Variants in RABEPK observed in about 807,000 individuals in gnomAD.
RABEPK encodes the protein 40 kDa Rab9 effector protein.
Under a neutral mutation model 34.1 loss-of-function variants are expected in RABEPK, and 27 were observed. That is an observed-to-expected ratio of 0.79 (90% confidence interval 0.58 to 1.09). The LOEUF is 1.09. Ranked by LOEUF, RABEPK falls within the 50% of genes least tolerant of loss-of-function variation. The pLI is 0.00. For missense variants in RABEPK, 449 were observed against 462.6 expected, an observed-to-expected ratio of 0.97 and a Z score of 0.27; for synonymous variants, 172 against 169.2, an observed-to-expected ratio of 1.02 and a Z score of -0.13.
intron 2 of RABEPK, 26 bp downstream of exon 2, chr9:125,203,092 G>A (rs369214346): frequency 6.3e-7 from 1 of 1,598,208 alleles, no homozygotes; most frequent in South Asian, 1.1e-5. Flanking sequence ...TCCAGACACA[G>A]AAAAGCATGA....
chr9:125,207,623 A>G lies in RABEPK; in HGVS notation c.113A>G (p.Tyr38Cys). Residue 38 changes from tyrosine (Y) to cysteine (C), a missense_variant, in exon 3 of 8, where the codon TAT becomes TGT. Physicochemically the swap from Tyr to Cys is radical, Grantham distance 194. Transcript: ENST00000373538. ...GCTCGAGTTGGCCACAGCTGTTCAT[A>G]TTTACCCCCAGTTGGTAATGCCAAG... is the stretch of plus-strand genomic sequence containing the variant. ...PCARVGHSCS[Y>C]LPPVGNAKRG... 1.2e-6 allele frequency: 2 copies of G among 1,614,090 alleles called. No individual in the cohort carries two copies. The highest frequency in any genetic ancestry group is 8.5e-7 in the Non-Finnish European group (1 of 1,179,992).
intron 5 of RABEPK, among the ~76,000 whole-genome samples, chr9:125,223,078 G>A (rs955640631): frequency 4.6e-5 from 7 of 152,074 alleles, no homozygotes; most frequent in Admixed American, 3.3e-4. Context: ...TCAGGAGTTC[G>A]AGACCAGCCT....
intron 2 of RABEPK, among the ~76,000 whole-genome samples, chr9:125,203,992 A>C (rs966312614): frequency 3.6e-5 from 5 of 137,804 alleles, no homozygotes; most frequent in African/African-American, 1.4e-4. Context: ...AGATCATGCC[A>C]CTGTACTCCA....
At chr9:125,204,171 A>G (rs1416242659) in intron 2 of RABEPK, among the ~76,000 whole-genome samples, 1 of 151,846 alleles carries the variant, frequency 6.6e-6, no homozygotes. Flanking sequence ...TGTCTCTACT[A>G]AAAATACAAA....
At chr9:125,221,372 C>T (rs961958405) in intron 5 of RABEPK, 1 of 151,550 alleles carries the variant, frequency 6.6e-6, no homozygotes, top group African/African-American at 2.4e-5. Context: ...CGGTGGGTGC[C>T]TGTAATCCCA....
intron 5 of RABEPK, among the ~76,000 whole-genome samples, chr9:125,227,677 T>C (rs1831858629): frequency 6.6e-6 from 1 of 151,790 alleles, no homozygotes; most frequent in Non-Finnish European, 1.5e-5. Context: ...GTGATCCACC[T>C]GTCTCGGCCT....
intron 5 of RABEPK, among the ~76,000 whole-genome samples, chr9:125,226,724 G>T (rs990175324): frequency 5.3e-5 from 8 of 151,564 alleles, no homozygotes; most frequent in East Asian, 1.9e-4. Context: ...ATTAGCTGGG[G>T]GTGGTGGCAT....
At chr9:125,203,126 T>A (rs1207954252) in intron 2 of RABEPK, 60 bp downstream of exon 2, 19 of 1,427,624 alleles carry the variant, frequency 1.3e-5, no homozygotes, top group Non-Finnish European at 1.9e-5. Flanking sequence ...TTATAAGTAG[T>A]TTATTTACAT....
intron 5 of RABEPK, among the ~76,000 whole-genome samples, chr9:125,224,223 A>T (rs149163960): frequency 6.6e-6 from 1 of 151,716 alleles, no homozygotes; most frequent in African/African-American, 2.4e-5. Context: ...CAAAAAAAAA[A>T]AACAACAGAG....
At chr9:125,201,876 T>C (rs1437679210) in intron 1 of RABEPK, among the ~76,000 whole-genome samples, 3 of 150,442 alleles carry the variant, frequency 2.0e-5, no homozygotes, top group African/African-American at 7.3e-5. Context: ...CCTCCCAAAG[T>C]GCTGGGATTA....
At chr9:125,208,148 AAGTC>A (rs1444912064) in intron 3 of RABEPK, among the ~76,000 whole-genome samples, 1 of 151,896 alleles carries the variant, frequency 6.6e-6, no homozygotes, top group Non-Finnish European at 1.5e-5. Context: ...AAAAAAGAAA[AAGTC>A]AGCATCACTG....
intron 3 of RABEPK, among the ~76,000 whole-genome samples, chr9:125,210,496 A>G (rs641513): frequency 0.48 from 72,267 of 150,256 alleles, 17,849 homozygotes; most frequent in East Asian, 0.62. Flanking sequence ...GAGGCAGGCA[A>G]ATCACAAGGT....
chr9:125,223,421 A>G (rs1218478957), intron 5 of RABEPK, among the ~76,000 whole-genome samples: 1 of 152,160 alleles, frequency 6.6e-6, no homozygotes, highest in East Asian at 1.9e-4. Context: ...ACGCCACTGC[A>G]CTCTAGCCTG....
intron 6 of RABEPK, 137 bp downstream of exon 6, chr9:125,228,196 A>C (rs1288785566): frequency 1.5e-6 from 1 of 679,616 alleles, no homozygotes; most frequent in Non-Finnish European, 2.1e-6. Context: ...CCAGGACTCA[A>C]GTAATCCTCC....
chr9:125,219,170 GT>G (rs1179715808), intron 4 of RABEPK, among the ~76,000 whole-genome samples: 2 of 57,952 alleles, frequency 3.5e-5, no homozygotes, highest in African/African-American at 9.4e-5. Context: ...TAATAGTATT[GT>G]CTTTTTTTTT....
At chr9:125,208,434 G>A (rs571049706) in intron 3 of RABEPK, among the ~76,000 whole-genome samples, 15 of 152,008 alleles carry the variant, frequency 9.9e-5, no homozygotes, top group South Asian at 2.1e-4. Context: ...GTGCAATGGC[G>A]CGATCTTCAC....
Position 125,220,699 on chromosome 9 carries a change from A to G in RABEPK, c.525A>G (p.Ala175=), listed in dbSNP as rs1831271294. The change falls in exon 5 of 8, where the codon GCA becomes GCG. Residue 175 remains alanine, a splice_region_variant and synonymous_variant. Coordinates refer to ENST00000373538, the MANE Select transcript of RABEPK (RefSeq NM_005833.4). ...ACACGAAGCTGCATGTGTTTGACGC[A>G]AGTATGGACTGGTGGGCACCTTGGG... The part of the protein sequence containing the change: ...VQDTKLHVFD[A]NTLTWSQPET... 1 of 1,613,762 alleles carries G rather than the reference A, an allele frequency of 6.2e-7. No homozygotes were observed. Among genetic ancestry groups the G allele is most frequent in the Non-Finnish European group, 8.5e-7 (1 of 1,179,874 alleles).
intron 3 of RABEPK, among the ~76,000 whole-genome samples, chr9:125,209,729 C>T (rs1347344477): frequency 6.6e-6 from 1 of 152,158 alleles, no homozygotes; most frequent in Non-Finnish European, 1.5e-5. Context: ...AGCTTGAGCT[C>T]TCTGGCCTCC....
intron 5 of RABEPK, among the ~76,000 whole-genome samples, chr9:125,226,094 A>G (rs565239932): frequency 3.3e-5 from 5 of 150,886 alleles, no homozygotes; most frequent in African/African-American, 9.7e-5. Flanking sequence ...AGGTTGCAGC[A>G]AGCCAAGATC....
Sources: gnomAD v4.1 joint callset for allele counts (sites outside exome capture counted in the v4.1 genomes callset) on GRCh38, gnomAD v4.1.1 for gene constraint, MANE v1.5 for transcripts, NCBI Gene and HGNC (gene_info 2026-07-23, HGNC 2026-07-21) for gene names.